Variants in LARGE1 observed in about 807,000 individuals in gnomAD.
LARGE1 encodes the protein xylosyl- and glucuronyltransferase LARGE1.
Under a neutral mutation model 87.6 loss-of-function variants are expected in LARGE1, and 43 were observed. The observed-to-expected ratio is 0.49, with a 90% CI of 0.38 to 0.63. The LOEUF is 0.63. Ranked by LOEUF, LARGE1 falls within the 30% of genes least tolerant of loss-of-function variation. The pLI, the probability that LARGE1 is intolerant of heterozygous loss-of-function variation, is 0.00. For missense variants in LARGE1, 802 were observed against 1,000.2 expected (o/e 0.80, Z 2.67); for synonymous variants, 434 against 394.6 (o/e 1.10, Z -1.18).
At chr22:33,547,572 G>A (rs897713357) in intron 6 of LARGE1, among the ~76,000 whole-genome samples, 1 of 151,878 alleles carries the variant, frequency 6.6e-6, no homozygotes, top group Non-Finnish European at 1.5e-5. Context: ...GAGGCAGGTG[G>A]ATCATGAGGT....
the LARGE1 span, among the ~76,000 whole-genome samples, chr22:33,132,759 T>C: frequency 1.3e-5 from 2 of 152,080 alleles, no homozygotes; most frequent in African/African-American, 2.4e-5. Flanking sequence ...AGCAAATCAT[T>C]TGCTTCTTTT....
At chr22:33,450,072 C>T (rs560411361) in intron 6 of LARGE1, among the ~76,000 whole-genome samples, 85 of 152,020 alleles carry the variant, frequency 5.6e-4, no homozygotes, top group South Asian at 2.5e-3. Flanking sequence ...CCACCACGCC[C>T]GGCTAATTTT....
At chr22:33,572,405 C>G (rs148886169) in intron 5 of LARGE1, 2,228 of 154,704 alleles carry the variant, frequency 0.014, 26 homozygotes, top group Non-Finnish European at 0.024. Flanking sequence ...GCTTTGGAGT[C>G]TGGCTGGCCC....
chr22:33,280,995 T>C (rs1324226672), intron 13 of LARGE1, among the ~76,000 whole-genome samples: 1 of 152,130 alleles, frequency 6.6e-6, no homozygotes, highest in Non-Finnish European at 1.5e-5. Context: ...AGAGGACTTG[T>C]AGGGGTGTGG....
At chr22:33,744,922 C>T (rs2084023252) in intron 2 of LARGE1, among the ~76,000 whole-genome samples, 1 of 152,164 alleles carries the variant, frequency 6.6e-6, no homozygotes, top group Non-Finnish European at 1.5e-5. Flanking sequence ...CCTGCCTTTC[C>T]CTCTAAAAGG....
At chr22:33,315,960 T>A (rs1157984475) in intron 11 of LARGE1, 125 bp downstream of exon 11, 14 of 1,139,758 alleles carry the variant, frequency 1.2e-5, no homozygotes, top group Non-Finnish European at 1.7e-5. Flanking sequence ...ATGTGCCATC[T>A]CTTCCTGCTC....
the LARGE1 span, among the ~76,000 whole-genome samples, chr22:33,082,330 C>T: frequency 6.6e-6 from 1 of 152,184 alleles, no homozygotes; most frequent in Non-Finnish European, 1.5e-5. Context: ...TGTTCCAAGA[C>T]CCTTCCGGTT....
chr22:33,768,685 G>A (rs780321529), intron 1 of LARGE1, among the ~76,000 whole-genome samples: 2 of 151,940 alleles, frequency 1.3e-5, no homozygotes, highest in African/African-American at 2.4e-5. Flanking sequence ...CTCTTCATTC[G>A]ACTAAAACCC....
At chr22:33,284,686 TC>T (rs1278886137) in intron 12 of LARGE1, among the ~76,000 whole-genome samples, 2 of 152,112 alleles carry the variant, frequency 1.3e-5, no homozygotes, top group Admixed American at 1.3e-4. Flanking sequence ...CAAGCGATTC[TC>T]CTGTCTCAGT....
At chr22:33,786,387 C>G (rs149485571) in intron 1 of LARGE1, among the ~76,000 whole-genome samples, 44 of 152,344 alleles carry the variant, frequency 2.9e-4, no homozygotes, top group Non-Finnish European at 5.1e-4. Flanking sequence ...AGGCACTTCT[C>G]TTTTGAGGAA....
At chr22:33,244,075 G>A (rs1406554097) in intron 11 of LARGE1, among the ~76,000 whole-genome samples, 3 of 151,974 alleles carry the variant, frequency 2.0e-5, no homozygotes, top group African/African-American at 4.8e-5. Flanking sequence ...TGTAAGCTCC[G>A]CCTCCTGGGT....
At chr22:33,682,054 T>C (rs1459055584) in intron 2 of LARGE1, among the ~76,000 whole-genome samples, 1 of 152,198 alleles carries the variant, frequency 6.6e-6, no homozygotes, top group African/African-American at 2.4e-5. Flanking sequence ...ATATGAGCCA[T>C]GGTGTGGTGC....
chr22:33,216,634 C>T (rs1486127565), intron 11 of LARGE1, among the ~76,000 whole-genome samples: 3 of 150,790 alleles, frequency 2.0e-5, no homozygotes, highest in Non-Finnish European at 4.4e-5. Context: ...AAAATAGGGA[C>T]AGTAAGACAA....
Position 33,902,774 on chromosome 22 carries a change from G to A in LARGE1, c.-83+17221C>T, listed in dbSNP as rs1003872032. On this transcript the variant is annotated intron_variant, in intron 1 of 14. Coordinates refer to ENST00000397394, the MANE Select transcript of LARGE1 (RefSeq NM_133642.5). ...GAATTACATCCCCTCCCCCAACTTC[G>A]TATGTTGAAGTTCTAACCCCCAGAA... Among the ~76,000 whole-genome samples, 13 of 152,176 alleles carry A rather than the reference G, an allele frequency of 8.5e-5. No individual in the cohort carries two copies. In the East Asian group the frequency reaches 1.9e-3, roughly 23 times the overall value.
chr22:33,425,644 T>G (rs757269697), intron 7 of LARGE1, among the ~76,000 whole-genome samples: 1 of 152,226 alleles, frequency 6.6e-6, no homozygotes, highest in Non-Finnish European at 1.5e-5. Flanking sequence ...AGACTCCATC[T>G]ACAGGCAGTT....
At chr22:33,320,001 G>A (rs1319693476) in intron 10 of LARGE1, among the ~76,000 whole-genome samples, 1 of 152,168 alleles carries the variant, frequency 6.6e-6, no homozygotes, top group Non-Finnish European at 1.5e-5. Context: ...GATGCAATTA[G>A]GGATATTCAG....
chr22:33,613,569 C>A (rs190208367), intron 4 of LARGE1, among the ~76,000 whole-genome samples: 491 of 152,226 alleles, frequency 3.2e-3, no homozygotes, highest in African/African-American at 0.011. Context: ...CTTGGCTCAC[C>A]ACAACCTCCG....
chr22:33,584,244 T>C (rs2078603021), intron 5 of LARGE1, among the ~76,000 whole-genome samples: 1 of 152,208 alleles, frequency 6.6e-6, no homozygotes, highest in South Asian at 2.1e-4. Context: ...TGTCATTAAC[T>C]CAAAGAGCAA....
intron 9 of LARGE1, among the ~76,000 whole-genome samples, chr22:33,339,656 GA>G (rs1331808568): frequency 1.3e-5 from 2 of 150,550 alleles, no homozygotes; most frequent in African/African-American, 2.4e-5. Context: ...ATATGCACAA[GA>G]AAAAAAAATC....
Sources: allele counts gnomAD v4.1 joint callset (sites outside exome capture counted in the v4.1 genomes callset), GRCh38; gene constraint gnomAD v4.1.1; transcripts MANE v1.5; gene names NCBI Gene and HGNC (gene_info 2026-07-23, HGNC 2026-07-21).